DMD: variants seen among roughly 807,000 people sequenced by gnomAD.
DMD encodes dystrophin.
A neutral mutation model predicts 330.1 loss-of-function variants in DMD; 63 were observed. The observed-to-expected ratio is 0.19, with a 90% CI of 0.16 to 0.24. The LOEUF (loss-of-function observed/expected upper bound fraction) is 0.24, where lower values mean the gene tolerates loss of function less well. Ranked by LOEUF, DMD falls within the 10% of genes least tolerant of loss-of-function variation. The pLI is 1.00. For synonymous variants in DMD, 1,223 were observed against 959.8 expected (o/e 1.27, Z -5.07); for missense variants, 3,344 against 2,684.1 (o/e 1.25, Z -5.43).
chrX:31,404,099 AC>A (rs1602515532), intron 60 of DMD, among the ~76,000 whole-genome samples: 1 of 109,629 alleles, frequency 9.1e-6, no homozygotes, highest in Non-Finnish European at 1.9e-5. Flanking sequence ...TAGTGTGTAC[AC>A]CCCCCATCTT....
At chrX:31,833,369 G>C (rs915587471) in intron 49 of DMD, among the ~76,000 whole-genome samples, 5 of 105,437 alleles carry the variant, frequency 4.7e-5, no homozygotes, top group African/African-American at 1.7e-4. Flanking sequence ...AAGAGAGAGA[G>C]AGAGAGAGAG....
At chrX:32,908,813 A>T (rs2086947632) in intron 2 of DMD, among the ~76,000 whole-genome samples, 1 of 111,880 alleles carries the variant, frequency 8.9e-6, no homozygotes, top group African/African-American at 3.2e-5. Flanking sequence ...GGTAGTTGAT[A>T]TTTTAAAAAT....
At chrX:31,940,011 A>G (rs1271481583) in intron 45 of DMD, among the ~76,000 whole-genome samples, 1 of 112,134 alleles carries the variant, frequency 8.9e-6, no homozygotes, top group Non-Finnish European at 1.9e-5. Flanking sequence ...AGGGTCTACT[A>G]GTGTCCATTG....
intron 44 of DMD, among the ~76,000 whole-genome samples, chrX:32,138,071 A>G (rs1445439850): frequency 9.2e-6 from 1 of 109,128 alleles, no homozygotes; most frequent in Admixed American, 9.8e-5. Flanking sequence ...TAGTCTTCCC[A>G]AGGTCGCCCA....
intron 7 of DMD, among the ~76,000 whole-genome samples, chrX:32,709,830 T>A (rs1371408155): frequency 2.7e-5 from 3 of 111,736 alleles, no homozygotes; most frequent in African/African-American, 6.5e-5. Flanking sequence ...GTTTATTTTT[T>A]ATATAAGAAT....
At chrX:32,483,498 G>A (rs1254289352) in intron 21 of DMD, among the ~76,000 whole-genome samples, 1 of 108,264 alleles carries the variant, frequency 9.2e-6, no homozygotes, top group Non-Finnish European at 1.9e-5. Flanking sequence ...ATAAAAAGTT[G>A]AACTTTAATA....
In DMD at chrX:33,009,744, ATATGTG is replaced by A. The variant is rs1357971397; in HGVS notation, c.93+10389_93+10394del. Among the ~76,000 whole-genome samples, 265 of 52,657 alleles carry A rather than the reference ATATGTG, an allele frequency of 5.0e-3. 23 individuals are homozygous for A. Among genetic ancestry groups the A allele is most frequent in the African/African-American group, 0.022 (253 of 11,746 alleles). 45.7% of individuals were successfully genotyped at this position (52,657 alleles called of 115,157 possible). A position where few individuals can be genotyped will look rare whatever the true frequency, so the allele number is the denominator to read the frequency against. ...TGTGTGTATATGTGTATATACACACATATGTGTATATGTGTGTATATGTGTATATAC... is the reference window on the plus strand; with the variant it reads ...TGTGTGTATATGTGTATATACACACATATATGTGTGTATATGTGTATATAC... On this transcript the variant is annotated intron_variant, in intron 2 of 78. Transcript: ENST00000357033.
chrX:32,524,045 G>A (rs2046705082), intron 17 of DMD, among the ~76,000 whole-genome samples: 1 of 106,407 alleles, frequency 9.4e-6, no homozygotes. Context: ...CCATTCTCCT[G>A]CCTCAGCCTC....
rs191972166 is a variant in DMD, at chrX:32,731,614, G to A, written c.650-32321C>T. ...AGTGGGTGCCTGACCCCTGACCCCC[G>A]AGCACCCTAACTGGGAGGCACTCCC... On this transcript the variant is annotated intron_variant, in intron 7 of 78. Coordinates refer to ENST00000357033, the MANE Select transcript of DMD (RefSeq NM_004006.3). Among the ~76,000 whole-genome samples, 24 of 111,900 alleles carry A rather than the reference G, an allele frequency of 2.1e-4. No individual in the cohort carries two copies. In the East Asian group the frequency reaches 2.5e-3, roughly 12 times the overall value.
intron 76 of DMD, among the ~76,000 whole-genome samples, chrX:31,146,088 C>T (rs1327932797): frequency 2.7e-5 from 3 of 112,879 alleles, no homozygotes; most frequent in African/African-American, 9.7e-5. Context: ...CTCACCTATA[C>T]AAGTTTTCTG....
intron 2 of DMD, among the ~76,000 whole-genome samples, chrX:32,853,769 G>GAAAAAAAAAAAAAAAAAAAAAA (rs1162458210): frequency 1.1e-4 from 6 of 56,084 alleles, no homozygotes; most frequent in African/African-American, 1.5e-4. Context: ...CACAGTGACA[G>GAAAAAAAAAAAAAAAAAAAAAA]AAAAAAAAAA....
rs900542814 is a variant in DMD, at chrX:31,580,085, C to G, written c.8217+47588G>C. Among the ~76,000 whole-genome samples, 3 of 111,693 alleles carry G rather than the reference C, an allele frequency of 2.7e-5. No individual in the cohort carries two copies. The Admixed American group carries it at 2.9e-4, about 11-fold the overall frequency. On this transcript the variant is annotated intron_variant, in intron 55 of 78. Coordinates refer to ENST00000357033, the MANE Select transcript of DMD (RefSeq NM_004006.3). ...AACCCTGTGGTTAGATTAGGCCCAT[C>G]TGAATAGTCCATAAAATCTCCCCAT...
chrX:31,732,549 ACTTT>A (rs2086586398), intron 51 of DMD, among the ~76,000 whole-genome samples: 1 of 111,570 alleles, frequency 9.0e-6, no homozygotes, highest in South Asian at 3.7e-4. Context: ...TTGCTACTAT[ACTTT>A]CTTTGACTTC....
chrX:33,257,343 G>A (rs768975855), intron 1 of DMD, among the ~76,000 whole-genome samples: 1 of 110,737 alleles, frequency 9.0e-6, no homozygotes, highest in Non-Finnish European at 1.9e-5. Context: ...ATTTAGAAAG[G>A]TCACATGAGT....
chrX:32,066,294 G>T (rs1355891757), intron 44 of DMD, among the ~76,000 whole-genome samples: 1 of 111,612 alleles, frequency 9.0e-6, no homozygotes, highest in Non-Finnish European at 1.9e-5. Flanking sequence ...AAAAATAGAT[G>T]ATTGTGGCTT....
At chrX:32,450,662 T>C (rs747554685) in intron 26 of DMD, among the ~76,000 whole-genome samples, 1 of 110,755 alleles carries the variant, frequency 9.0e-6, no homozygotes, top group Admixed American at 9.6e-5. Flanking sequence ...AAGGAAATCA[T>C]CCTCAGAGTT....
chrX:32,252,757 TATATAAATATATATAAATATATATAA>T (rs2097274695), intron 43 of DMD, among the ~76,000 whole-genome samples: 1 of 28,524 alleles, frequency 3.5e-5, no homozygotes, highest in Non-Finnish European at 4.4e-5. Context: ...TATATATAAA[TATATAAATATATATAAATATATATAA>T]ATATATATAA....
At chrX:31,431,083 A>G (rs1225122488) in intron 60 of DMD, among the ~76,000 whole-genome samples, 1 of 110,116 alleles carries the variant, frequency 9.1e-6, no homozygotes, top group African/African-American at 3.3e-5. Context: ...TACAGGCGTG[A>G]GCCACCGCGC....
chrX:31,792,781 G>A (rs2091636931), intron 50 of DMD, among the ~76,000 whole-genome samples: 1 of 111,615 alleles, frequency 9.0e-6, no homozygotes, highest in Admixed American at 9.5e-5. Context: ...GCCCCAGAGG[G>A]TGTGTTACAG....
Sources: allele counts gnomAD v4.1 joint callset (sites outside exome capture counted in the v4.1 genomes callset), GRCh38; gene constraint gnomAD v4.1.1; transcripts MANE v1.5; gene names NCBI Gene and HGNC (gene_info 2026-07-23, HGNC 2026-07-21).